PTPRG: variants seen among roughly 807,000 people sequenced by gnomAD.
The protein encoded by PTPRG is protein tyrosine phosphatase receptor type G.
A neutral mutation model predicts 165.3 loss-of-function variants in PTPRG; 102 were observed. That is an observed-to-expected ratio of 0.62 (90% CI 0.53 to 0.73). PTPRG has a LOEUF of 0.73. PTPRG is among the 30% of genes least tolerant of loss of function. The pLI is 0.00. For missense variants in PTPRG, 1,866 were observed against 1,861.4 expected, an observed-to-expected ratio of 1.00 and a Z score of -0.05; for synonymous variants, 675 against 669.5, an observed-to-expected ratio of 1.01 and a Z score of -0.13.
At chr3:62,033,967 T>C (rs1050725409) in intron 4 of PTPRG, among the ~76,000 whole-genome samples, 2 of 152,102 alleles carry the variant, frequency 1.3e-5, no homozygotes, top group African/African-American at 4.8e-5. Flanking sequence ...GATTTCACCG[T>C]GTTGGCCAGG....
intron 4 of PTPRG, among the ~76,000 whole-genome samples, chr3:62,022,530 C>A (rs73097929): frequency 3.3e-5 from 5 of 152,040 alleles, no homozygotes; most frequent in South Asian, 2.1e-4. Flanking sequence ...ACGGTGTGAA[C>A]GATGCAGGTA....
chr3:62,076,228 A>G lies in PTPRG; in HGVS notation c.520-1935A>G, dbSNP rs1701378892. ...CTTGAGTCCAGGAGGTCAAGGCCGC[A>G]GTGAGCCATGATCATGCCATTGCAC... On this transcript the variant is annotated intron_variant, in intron 4 of 29. Transcript: ENST00000474889. Among the ~76,000 whole-genome samples the G allele has an allele frequency of 2.0e-5, 3 of 152,122 alleles. No homozygotes were observed. In the South Asian group the frequency reaches 6.2e-4, roughly 32 times the overall value.
intron 8 of PTPRG, among the ~76,000 whole-genome samples, chr3:62,183,584 AGAAT>A (rs1559615883): frequency 6.6e-6 from 1 of 151,038 alleles, no homozygotes; most frequent in Non-Finnish European, 1.5e-5. Context: ...AAAAAAAAAA[AGAAT>A]GGCACAGAAT....
At chr3:62,047,647 T>G (rs2106638825) in intron 4 of PTPRG, among the ~76,000 whole-genome samples, 1 of 152,328 alleles carries the variant, frequency 6.6e-6, no homozygotes, top group East Asian at 1.9e-4. Flanking sequence ...ATGTAAGTTC[T>G]CTAACCCATT....
chr3:61,997,226 T>G (rs1048784046), intron 3 of PTPRG, among the ~76,000 whole-genome samples: 6 of 152,164 alleles, frequency 3.9e-5, no homozygotes, highest in African/African-American at 1.4e-4. Flanking sequence ...CCTCACTTAT[T>G]TCTACTGACA....
intron 1 of PTPRG, among the ~76,000 whole-genome samples, chr3:61,602,657 C>G (rs988334175): frequency 2.6e-4 from 39 of 152,210 alleles, no homozygotes; most frequent in African/African-American, 7.7e-4. Context: ...AGGACCCCCT[C>G]TTCGGCACAG....
At chr3:62,002,126 A>T (rs927371111) in intron 3 of PTPRG, among the ~76,000 whole-genome samples, 1 of 152,184 alleles carries the variant, frequency 6.6e-6, no homozygotes, top group Non-Finnish European at 1.5e-5. Flanking sequence ...ATAAAAAGGG[A>T]TTTATATGAG....
At chr3:62,092,758 T>G (rs1701985833) in intron 5 of PTPRG, among the ~76,000 whole-genome samples, 2 of 152,216 alleles carry the variant, frequency 1.3e-5, no homozygotes, top group South Asian at 4.1e-4. Context: ...AACAGGTGAC[T>G]GGTATGTAGT....
At chr3:62,065,797 A>G (rs1444404177) in intron 4 of PTPRG, among the ~76,000 whole-genome samples, 1 of 152,156 alleles carries the variant, frequency 6.6e-6, no homozygotes, top group Non-Finnish European at 1.5e-5. Context: ...TGACCTCAGG[A>G]ACAGAAGAGC....
chr3:61,813,335 A>AG (rs996967323), intron 2 of PTPRG, among the ~76,000 whole-genome samples: 1 of 149,842 alleles, frequency 6.7e-6, no homozygotes, highest in African/African-American at 2.5e-5. Flanking sequence ...ACTAAAAAAA[A>AG]AAAAAAAAAA....
chr3:62,235,901 A>C (rs1441371051), intron 14 of PTPRG, among the ~76,000 whole-genome samples: 1 of 152,094 alleles, frequency 6.6e-6, no homozygotes, highest in African/African-American at 2.4e-5. Context: ...AAGGTATGAC[A>C]GCCATATGCC....
At chr3:61,810,649 C>G (rs2035546950) in intron 2 of PTPRG, among the ~76,000 whole-genome samples, 3 of 152,202 alleles carry the variant, frequency 2.0e-5, no homozygotes, top group Admixed American at 2.0e-4. Flanking sequence ...CCACCCAACT[C>G]CTACCTCTTT....
intron 5 of PTPRG, 103 bp downstream of exon 5, chr3:62,078,361 C>A: frequency 1.4e-6 from 1 of 690,846 alleles, no homozygotes. Flanking sequence ...TTCTAGTTCA[C>A]ACCTGTCCAA....
intron 4 of PTPRG, among the ~76,000 whole-genome samples, chr3:62,020,516 C>T (rs6445252): frequency 0.54 from 82,694 of 151,988 alleles, 23,175 homozygotes; most frequent in African/African-American, 0.68. Context: ...TTAAAGAAAG[C>T]GTGTGTTTCT....
chr3:61,712,114 G>A (rs1476321173), intron 1 of PTPRG, among the ~76,000 whole-genome samples: 8 of 151,940 alleles, frequency 5.3e-5, no homozygotes, highest in African/African-American at 1.5e-4. Context: ...GGCTGGTGTC[G>A]AACTCCTGAC....
chr3:61,830,585 T>A (rs1451802854), intron 2 of PTPRG, among the ~76,000 whole-genome samples: 1 of 145,886 alleles, frequency 6.9e-6, no homozygotes, highest in Non-Finnish European at 1.5e-5. Context: ...TTTTTTTTTT[T>A]TTTTTGGAGA....
chr3:62,291,871 T>C (rs1039081345), intron 28 of PTPRG, among the ~76,000 whole-genome samples: 4 of 152,182 alleles, frequency 2.6e-5, no homozygotes, highest in East Asian at 1.9e-4. Flanking sequence ...AAGGATTTCA[T>C]AGAAAGTGCT....
At chr3:61,587,153 G>A (rs1700452969) in intron 1 of PTPRG, among the ~76,000 whole-genome samples, 1 of 152,188 alleles carries the variant, frequency 6.6e-6, no homozygotes, top group African/African-American at 2.4e-5. Flanking sequence ...ACATTATTGT[G>A]TAAAATAGAA....
intron 4 of PTPRG, among the ~76,000 whole-genome samples, chr3:62,073,430 C>T (rs9824390): frequency 1.6e-3 from 237 of 152,200 alleles, no homozygotes; most frequent in African/African-American, 5.1e-3. Flanking sequence ...CCTCCAATAG[C>T]GGGATAAACC....
Sources: gnomAD v4.1 joint callset for allele counts (sites outside exome capture counted in the v4.1 genomes callset) on GRCh38, gnomAD v4.1.1 for gene constraint, MANE v1.5 for transcripts, NCBI Gene and HGNC (gene_info 2026-07-23, HGNC 2026-07-21) for gene names.